The following PCDHGB1 variants were observed in gnomAD, a reference collection of about 807,000 sequenced individuals.
PCDHGB1 encodes protocadherin gamma subfamily B, 1, also known as protocadherin gamma-B1.
In PCDHGB1, 34 loss-of-function variants were observed where a neutral mutation model predicts 56.6. The ratio of observed to expected loss-of-function variants is 0.60; its 90% CI spans 0.46 to 0.80. The LOEUF (loss-of-function observed/expected upper bound fraction) is 0.80. PCDHGB1 is among the 30% of genes least tolerant of loss of function. PCDHGB1 has a pLI of 0.00. For missense variants in PCDHGB1, 1,278 were observed against 1,204.6 expected (o/e 1.06, Z -0.90); for synonymous variants, 561 against 505.9 (o/e 1.11, Z -1.46).
At position 141,390,867 on chromosome 5, in the gene PCDHGB1, CGTGT is replaced by C. The variant is rs61319619; in HGVS notation, c.2409+38216_2409+38219del. The C allele has an allele frequency of 5.1e-4, 77 of 151,148 alleles. No homozygotes were observed. The East Asian group carries it at 6.0e-3, about 12-fold the overall frequency. 9.4% of individuals were successfully genotyped at this position (151,148 alleles called of 1,614,324 possible). A position where few individuals can be genotyped will look rare whatever the true frequency, so the allele number is the denominator to read the frequency against. On this transcript the variant is annotated intron_variant, in intron 1 of 3. Coordinates refer to ENST00000523390, the MANE Select transcript of PCDHGB1 (RefSeq NM_018922.3). ...TTATATGCAGTGTACGCTGTGTGTG[CGTGT>C]GTGTGTGTGTGTGTGTGAGAGAGAT...
intron 1 of PCDHGB1, chr5:141,417,766 C>G: frequency 6.9e-7 from 1 of 1,442,472 alleles, no homozygotes; most frequent in Non-Finnish European, 9.1e-7. Flanking sequence ...AGACCCGGGA[C>G]TCCTCCTGTC....
In PCDHGB1 at chr5:141,352,196, G is replaced by A. The variant is rs1276459569; in HGVS notation, c.1936G>A (p.Gly646Arg). ...QRLLVAVRDG[G>R]QPPLSATATL... ...CCTGCTGGTCGCTGTGCGTGATGGAGGACAGCCGCCACTCTCCGCCACCGC... is the reference window on the plus strand; with the variant it reads ...CCTGCTGGTCGCTGTGCGTGATGGAAGACAGCCGCCACTCTCCGCCACCGC... The change falls in exon 1 of 4, where the codon GGA becomes AGA. Residue 646 changes from glycine to arginine, a missense_variant. Gly to Arg is a moderately radical substitution (Grantham distance 125). Coordinates refer to ENST00000523390, the MANE Select transcript of PCDHGB1 (RefSeq NM_018922.3). The A allele has an allele frequency of 1.2e-6, 2 of 1,613,818 alleles. No homozygotes were observed. The highest frequency in any genetic ancestry group is 2.2e-5 in the East Asian group (1 of 44,886).
chr5:141,502,179 A>C (rs1403845758), intron 2 of PCDHGB1, among the ~76,000 whole-genome samples: 3 of 152,218 alleles, frequency 2.0e-5, no homozygotes, highest in African/African-American at 7.2e-5. Context: ...GGAATTTAAC[A>C]TTAATACAAT....
chr5:141,481,261 C>T lies in PCDHGB1; in HGVS notation c.2410-13546C>T, dbSNP rs2099534823. ...TACATAGCATAGCTCTAAAAGATCA[C>T]TGTAGGAAGACATAAAATGGTATTT... On this transcript the variant is annotated intron_variant, in intron 1 of 3. Coordinates refer to ENST00000523390, the MANE Select transcript of PCDHGB1 (RefSeq NM_018922.3). Among the ~76,000 whole-genome samples, 3 of 152,252 alleles carry T rather than the reference C, an allele frequency of 2.0e-5. No individual in the cohort carries two copies. The East Asian group carries it at 5.8e-4, about 29-fold the overall frequency.
intron 2 of PCDHGB1, among the ~76,000 whole-genome samples, chr5:141,498,971 G>GGGAAGGAAGGAAGGAAGGAAGGAAGGAA (rs201769957): frequency 9.0e-6 from 1 of 110,972 alleles, no homozygotes; most frequent in Non-Finnish European, 1.8e-5. Flanking sequence ...GAGGGAGGGA[G>GGGAAGGAAGGAAGGAAGGAAGGAAGGAA]GGAAGGAAGG....
Position 141,351,372 on chromosome 5 carries a change from A to T in PCDHGB1, c.1112A>T (p.Asp371Val). 1 of 1,612,764 alleles carries T rather than the reference A, an allele frequency of 6.2e-7. No homozygotes were observed. Among genetic ancestry groups the T allele is most frequent in the Non-Finnish European group, 8.5e-7 (1 of 1,179,288 alleles). ...VIALIKVRDKDSGQNGMVTCY... is the reference protein window; with the variant it reads ...VIALIKVRDKVSGQNGMVTCY... ...GCCCTCATAAAAGTGCGAGACAAGG[A>T]TTCTGGGCAAAATGGCATGGTGACA... is the stretch of plus-strand genomic sequence containing the variant. The change falls in exon 1 of 4, where the codon GAT (aspartate) becomes GTT (valine). Residue 371 changes from aspartate to valine, a missense_variant. Transcript: ENST00000523390.
intron 1 of PCDHGB1, chr5:141,405,392 TTC>T (rs1477182661): frequency 6.3e-7 from 1 of 1,595,986 alleles, no homozygotes; most frequent in Non-Finnish European, 8.5e-7. Flanking sequence ...TTCATTTTTT[TTC>T]TTTCTTTCTT....
intron 1 of PCDHGB1, chr5:141,383,022 AG>A: frequency 6.2e-7 from 1 of 1,613,826 alleles, no homozygotes; most frequent in Non-Finnish European, 8.5e-7. Context: ...AGACGGACAA[AG>A]GGTCCTTTGT....
intron 1 of PCDHGB1, chr5:141,361,249 A>G: frequency 6.2e-7 from 1 of 1,614,034 alleles, no homozygotes; most frequent in Non-Finnish European, 8.5e-7. Flanking sequence ...GATAAAAACG[A>G]GAGACAGAGA....
rs763321545 is a variant in PCDHGB1 at position 141,389,799 on chromosome 5, C to A, written c.2409+37130C>A. 1.2e-5 allele frequency: 19 copies of A among 1,613,678 alleles called. No individual in the cohort carries two copies. The South Asian group carries it at 1.9e-4, about 16-fold the overall frequency. On this transcript the variant is annotated intron_variant, in intron 1 of 3. Transcript: ENST00000523390. ...AGGCGACAGGGACGCCGTCCGCCAG[C>A]GCCTTCTGGTCGCCGTGCGTGACGG...
rs115990854 is a variant in PCDHGB1 at position 141,433,033 on chromosome 5, C to T, written c.2410-61774C>T. On this transcript the variant is annotated intron_variant, in intron 1 of 3. Coordinates refer to ENST00000523390, the MANE Select transcript of PCDHGB1 (RefSeq NM_018922.3). ...TGCAGACCTATTCCCACGAGGTTTC[C>T]CTCACCACGGACTCGCGGAAGAGTC... The T allele has an allele frequency of 6.4e-3, 10,342 of 1,614,162 alleles. 43 individuals are homozygous for T. The highest frequency in any genetic ancestry group is 8.6e-3 in the Middle Eastern group (52 of 6,062).
intron 1 of PCDHGB1, among the ~76,000 whole-genome samples, chr5:141,457,459 C>G (rs749463185): frequency 1.6e-4 from 24 of 152,166 alleles, no homozygotes; most frequent in Non-Finnish European, 3.4e-4. Context: ...CCACTTGATT[C>G]ACAGGAATAA....
chr5:141,352,201 G>A lies in PCDHGB1; in HGVS notation c.1941G>A (p.Gln647=), dbSNP rs1758945831. The A allele has an allele frequency of 1.2e-6, 2 of 1,613,806 alleles. No individual in the cohort carries two copies. The highest frequency in any genetic ancestry group is 1.3e-5 in the African/African-American group (1 of 74,948). The change falls in exon 1 of 4, where the codon CAG becomes CAA. Residue 647 remains glutamine (Q), a synonymous_variant. Coordinates refer to ENST00000523390, the MANE Select transcript of PCDHGB1 (RefSeq NM_018922.3). The part of the protein sequence containing the change: ...RLLVAVRDGG[Q]PPLSATATLH... ...TGGTCGCTGTGCGTGATGGAGGACA[G>A]CCGCCACTCTCCGCCACCGCCACGC...
At chr5:141,430,641 T>C (rs1332550435) in intron 1 of PCDHGB1, 2 of 902,672 alleles carry the variant, frequency 2.2e-6, no homozygotes, top group East Asian at 5.4e-5. Flanking sequence ...TCCCTGGGAG[T>C]ATGTGGAAAC....
At position 141,511,436 on chromosome 5, in the gene PCDHGB1, T is replaced by C. The variant is rs1371734719; in HGVS notation, c.*263T>C. The C allele has an allele frequency of 1.5e-5, 11 of 718,486 alleles. No individual in the cohort carries two copies. The highest frequency in any genetic ancestry group is 2.2e-5 in the Non-Finnish European group (10 of 461,474). The allele number at this position is 718,486 out of a possible 1,614,324, so 44.5% of individuals were successfully genotyped here. The stretch of plus-strand genomic sequence containing the variant: ...ACCCATGGGGGTAGTGGGGTTACTG[T>C]AGACACCAAGAACCATTTGCCACAC... On this transcript the variant is annotated 3_prime_UTR_variant, in exon 4 of 4. Coordinates refer to ENST00000523390, the MANE Select transcript of PCDHGB1 (RefSeq NM_018922.3).
At chr5:141,488,784 T>C (rs116057353) in intron 1 of PCDHGB1, among the ~76,000 whole-genome samples, 1 of 152,248 alleles carries the variant, frequency 6.6e-6, no homozygotes, top group African/African-American at 2.4e-5. Flanking sequence ...TTGTATCACT[T>C]TGTCTTCCCT....
In PCDHGB1 at chr5:141,487,869, G is replaced by T; in HGVS notation, c.2410-6938G>T. On this transcript the variant is annotated intron_variant, in intron 1 of 3. Transcript: ENST00000523390. This position sits in a 1 kb window ranked among gnomAD's most constrained non-coding sequence, Gnocchi z 5.0. ...AAATGAAAGTAATTGGTGATCAAGA[G>T]CCAGGCTGTTGTGGAAGCATGATGA... 1.1e-6 allele frequency: 1 copy of T among 871,620 alleles called. No individual in the cohort carries two copies. The highest frequency in any genetic ancestry group is 1.7e-6 in the Non-Finnish European group (1 of 574,346). The allele number at this position is 871,620 out of a possible 1,614,324, so 54.0% of individuals were successfully genotyped here. A position where few individuals can be genotyped will look rare whatever the true frequency, so the allele number is the denominator to read the frequency against.
intron 1 of PCDHGB1, among the ~76,000 whole-genome samples, chr5:141,462,012 G>A (rs1046109009): frequency 9.9e-5 from 15 of 152,128 alleles, no homozygotes; most frequent in Admixed American, 5.9e-4. Context: ...TAATAGAGAC[G>A]GGGTTTCTTC....
At chr5:141,375,947 C>A in intron 1 of PCDHGB1, 2 of 1,613,578 alleles carry the variant, frequency 1.2e-6, no homozygotes, top group Non-Finnish European at 8.5e-7. Context: ...AGTGGGCCTG[C>A]ACACGGGCGA....
Sources: gnomAD v4.1 joint callset for allele counts (sites outside exome capture counted in the v4.1 genomes callset) on GRCh38, gnomAD v4.1.1 for gene constraint, Gnocchi (gnomAD v3.1) non-coding constraint, MANE v1.5 for transcripts, NCBI Gene and HGNC (gene_info 2026-07-23, HGNC 2026-07-21) for gene names.